Variants in TTC6 observed in about 807,000 individuals in gnomAD.
TTC6 encodes tetratricopeptide repeat domain 6.
A neutral mutation model predicts 210.4 loss-of-function variants in TTC6; 172 were observed. The observed-to-expected ratio is 0.82, with a 90% CI of 0.72 to 0.93. The LOEUF (loss-of-function observed/expected upper bound fraction) is 0.93, where lower values mean the gene tolerates loss of function less well. Among genes scored for constraint, TTC6 ranks in the 40% least tolerant of loss-of-function variants. TTC6 has a pLI of 0.00. For synonymous variants in TTC6, 804 were observed against 819.6 expected, an observed-to-expected ratio of 0.98 and a Z score of 0.32; for missense variants, 2,414 against 2,318.1, an observed-to-expected ratio of 1.04 and a Z score of -0.85.
intron 2 of TTC6, among the ~76,000 whole-genome samples, chr14:37,616,676 G>A (rs528890024): frequency 2.5e-4 from 36 of 146,074 alleles, no homozygotes; most frequent in Admixed American, 1.9e-3. Flanking sequence ...CAGCCTGGGC[G>A]ACAGAGTGAT....
intron 1 of TTC6, among the ~76,000 whole-genome samples, chr14:37,646,365 C>T (rs560205388): frequency 1.3e-5 from 2 of 151,512 alleles, no homozygotes; most frequent in South Asian, 4.2e-4. Context: ...AAACATCTCT[C>T]CCATCCTGAA....
chr14:37,632,597 A>G (rs1595038519), intron 1 of TTC6, among the ~76,000 whole-genome samples: 1 of 152,206 alleles, frequency 6.6e-6, no homozygotes, highest in East Asian at 1.9e-4. Flanking sequence ...CACGGGGGTC[A>G]GGGACCCACT....
intron 1 of TTC6, among the ~76,000 whole-genome samples, chr14:37,679,946 T>G (rs973251981): frequency 2.0e-5 from 3 of 152,096 alleles, no homozygotes; most frequent in African/African-American, 7.2e-5. Flanking sequence ...CATCTCGGCC[T>G]CCCAAAGTGC....
At chr14:37,810,577 A>G (rs1355779209) in intron 24 of TTC6, among the ~76,000 whole-genome samples, 1 of 152,124 alleles carries the variant, frequency 6.6e-6, no homozygotes, top group Non-Finnish European at 1.5e-5. Flanking sequence ...GTGTCCACAC[A>G]TTTGTTTGCT....
intron 6 of TTC6, among the ~76,000 whole-genome samples, chr14:37,722,720 A>T (rs1458145523): frequency 6.6e-6 from 1 of 152,216 alleles, no homozygotes; most frequent in African/African-American, 2.4e-5. Flanking sequence ...TTCATCAGGT[A>T]TCGGGTATAT....
chr14:37,754,614 G>A (rs190524063), intron 14 of TTC6, among the ~76,000 whole-genome samples: 1 of 152,010 alleles, frequency 6.6e-6, no homozygotes, highest in Non-Finnish European at 1.5e-5. Flanking sequence ...TGTATTTTTA[G>A]TAGAGACAGG....
chr14:37,748,462 T>G (rs2095942474), intron 10 of TTC6, among the ~76,000 whole-genome samples: 1 of 152,200 alleles, frequency 6.6e-6, no homozygotes, highest in South Asian at 2.1e-4. Context: ...ATATTAGGTA[T>G]TATTTAATTT....
Position 37,640,509 on chromosome 14 carries a change from A to G in TTC6, c.939+17506A>G, listed in dbSNP as rs181993219. 9.9e-4 allele frequency among the ~76,000 whole-genome samples: 150 copies of G among 152,032 alleles called. 1 individual carries two copies. The highest frequency in any genetic ancestry group is 2.0e-3 in the Non-Finnish European group (133 of 67,966). On this transcript the variant is annotated intron_variant, in intron 1 of 30. Transcript: ENST00000553443. ...AATTTTTTTTAAAATACATAACTCA[A>G]TTTCACCTTTGATTTTGTAATGTAG... is the stretch of plus-strand genomic sequence containing the variant.
At chr14:37,821,049 CT>C (rs2096155654) in intron 26 of TTC6, among the ~76,000 whole-genome samples, 1 of 129,334 alleles carries the variant, frequency 7.7e-6, no homozygotes, top group Non-Finnish European at 1.7e-5. Flanking sequence ...TCTTCTTCTT[CT>C]TCCTTCTTCT....
exon 1 of TTC6, chr14:37,622,461 C>G (rs1377311525): frequency 6.5e-7 from 1 of 1,535,220 alleles, no homozygotes; most frequent in Non-Finnish European, 8.7e-7. Context: ...GCACCAGGCC[C>G]TGAAAAAGCC....
At chr14:37,771,718 A>C (rs1474631547) in intron 14 of TTC6, among the ~76,000 whole-genome samples, 1 of 152,016 alleles carries the variant, frequency 6.6e-6, no homozygotes, top group Non-Finnish European at 1.5e-5. Flanking sequence ...AATTTTTTTC[A>C]AAGTTTTCAA....
intron 14 of TTC6, among the ~76,000 whole-genome samples, chr14:37,782,451 T>C (rs925908464): frequency 5.3e-5 from 8 of 152,180 alleles, no homozygotes; most frequent in Non-Finnish European, 1.0e-4. Context: ...TGTATAGGAA[T>C]GCATGTGATT....
At chr14:37,772,217 T>C (rs912722137) in intron 14 of TTC6, among the ~76,000 whole-genome samples, 24 of 152,328 alleles carry the variant, frequency 1.6e-4, no homozygotes, top group Middle Eastern at 3.4e-3. Flanking sequence ...AGCTGTCAGA[T>C]AGGGACATTT....
intron 1 of TTC6, among the ~76,000 whole-genome samples, chr14:37,658,923 C>G (rs1011629373): frequency 3.3e-5 from 5 of 152,086 alleles, no homozygotes; most frequent in African/African-American, 1.2e-4. Flanking sequence ...TCTCCCTCCT[C>G]CCACCCTTCA....
At chr14:37,632,432 G>A (rs182072027) in intron 1 of TTC6, among the ~76,000 whole-genome samples, 1 of 152,298 alleles carries the variant, frequency 6.6e-6, no homozygotes, top group East Asian at 1.9e-4. Flanking sequence ...GTTTGCCTGG[G>A]TATCACCAGT....
At chr14:37,827,489 T>A in intron 29 of TTC6, 123 bp downstream of exon 31, 1 of 860,098 alleles carries the variant, frequency 1.2e-6, no homozygotes, top group South Asian at 2.3e-5. Context: ...GCTCTTTTAT[T>A]TAAAATGTTA....
chr14:37,826,690 T>A (rs980528904), intron 28 of TTC6, among the ~76,000 whole-genome samples: 1 of 152,034 alleles, frequency 6.6e-6, no homozygotes, highest in African/African-American at 2.4e-5. Context: ...ACAATGTAAA[T>A]CCCCAGAATC....
chr14:37,697,974 G>A (rs2095817900), intron 4 of TTC6, among the ~76,000 whole-genome samples: 2 of 152,004 alleles, frequency 1.3e-5, no homozygotes, highest in South Asian at 4.2e-4. Context: ...TTTAAGAAGA[G>A]TGTGCTATAA....
At chr14:37,788,270 T>C (rs958202721) in intron 15 of TTC6, among the ~76,000 whole-genome samples, 1 of 152,100 alleles carries the variant, frequency 6.6e-6, no homozygotes, top group Non-Finnish European at 1.5e-5. Flanking sequence ...GTAAACAGCC[T>C]CCAACAGAAT....
Sources: allele counts gnomAD v4.1 joint callset (sites outside exome capture counted in the v4.1 genomes callset), GRCh38; gene constraint gnomAD v4.1.1; transcripts MANE v1.5; gene names NCBI Gene and HGNC (gene_info 2026-07-23, HGNC 2026-07-21).